CUL3: variants seen among roughly 807,000 people sequenced by gnomAD.
CUL3 encodes cullin-3.
In CUL3, 19 loss-of-function variants were observed where a neutral mutation model predicts 89.1. The observed-to-expected ratio is 0.21, with a 90% CI of 0.15 to 0.31. The LOEUF is 0.31. Among genes scored for constraint, CUL3 ranks in the 10% least tolerant of loss-of-function variants. The pLI, the probability that CUL3 is intolerant of heterozygous loss-of-function variation, is 1.00. For missense variants in CUL3, 469 were observed against 942.3 expected, an observed-to-expected ratio of 0.50 and a Z score of 6.58; for synonymous variants, 351 against 308.4, an observed-to-expected ratio of 1.14 and a Z score of -1.45.
rs537424924 is a variant in CUL3 at position 224,517,053 on chromosome 2, T to A, written c.379-2281A>T. 2.9e-4 allele frequency among the ~76,000 whole-genome samples: 44 copies of A among 151,618 alleles called. 1 individual carries two copies. Among genetic ancestry groups the A allele is most frequent in the Admixed American group, 3.9e-4 (6 of 15,218 alleles). On this transcript the variant is annotated intron_variant, in intron 3 of 15. Transcript: ENST00000264414. ...AATATGTACATAATAAAAACTAGCA[T>A]AAATTTAATAATTCAAAAACCAACA...
rs529566273 is a variant in CUL3 at position 224,501,954 on chromosome 2, C to T, written c.1485+1011G>A. The stretch of plus-strand genomic sequence containing the variant: ...ATTTAACTATAAATTCCTAAACAAT[C>T]TAAAAATAAAAATCCAGGATAATTA... On this transcript the variant is annotated intron_variant, in intron 10 of 15. Transcript: ENST00000264414. 2.8e-4 allele frequency among the ~76,000 whole-genome samples: 43 copies of T among 152,256 alleles called. 1 individual carries two copies. Among genetic ancestry groups the T allele is most frequent in the Admixed American group, 3.9e-4 (6 of 15,290 alleles).
chr2:224,503,134 G>A, intron 9 of CUL3, 62 bp from the exon 10 acceptor site: 1 of 1,048,238 alleles, frequency 9.5e-7, no homozygotes, highest in Non-Finnish European at 1.5e-6. Context: ...AGAAAGTACA[G>A]AAAGAAATAA....
intron 14 of CUL3, 130 bp downstream of exon 14, chr2:224,481,758 GCTTT>G (rs1484288012): frequency 1.9e-6 from 1 of 532,848 alleles, no homozygotes; most frequent in African/African-American, 2.0e-5. Flanking sequence ...AATAAAAGCT[GCTTT>G]CTTTCTTAAG....
chr2:224,514,592 A>G lies in CUL3; in HGVS notation c.539+20T>C, dbSNP rs1692966044. 6.3e-7 allele frequency: 1 copy of G among 1,595,384 alleles called. No individual in the cohort carries two copies. The highest frequency in any genetic ancestry group is 8.6e-7 in the Non-Finnish European group (1 of 1,168,660). On this transcript the variant is annotated intron_variant, in intron 4 of 15. Transcript: ENST00000264414. Reference sequence around the variant, plus strand: ...TAATCACTAAAACCAAAACCACAAGAGTAAAGAGAGAAATTTTACCTGTCT... The same window carrying G: ...TAATCACTAAAACCAAAACCACAAGGGTAAAGAGAGAAATTTTACCTGTCT...
chr2:224,520,051 C>T (rs1026909842), intron 3 of CUL3, among the ~76,000 whole-genome samples: 3 of 152,080 alleles, frequency 2.0e-5, no homozygotes, highest in Non-Finnish European at 4.4e-5. Flanking sequence ...CTAAAGAGAC[C>T]TTAGCAGAGA....
intron 2 of CUL3, among the ~76,000 whole-genome samples, chr2:224,544,149 T>C (rs890811395): frequency 6.6e-6 from 1 of 152,194 alleles, no homozygotes; most frequent in Non-Finnish European, 1.5e-5. Context: ...GTGACTATGG[T>C]TGATTAGATC....
In CUL3 at chr2:224,472,518, T is replaced by G. The variant is rs550118925; in HGVS notation, c.*1727A>C. Reference sequence around the variant, plus strand: ...ATGTCAAAATCAGAAGGTGAAACCCTTAGCTTTCCATGTTACACCTGACTT... The same window carrying G: ...ATGTCAAAATCAGAAGGTGAAACCCGTAGCTTTCCATGTTACACCTGACTT... On this transcript the variant is annotated 3_prime_UTR_variant, in exon 16 of 16. Transcript: ENST00000264414. The G allele has an allele frequency of 5.3e-6, 1 of 188,138 alleles. No individual in the cohort carries two copies. The highest frequency in any genetic ancestry group is 1.9e-4 in the South Asian group (1 of 5,130). The allele number at this position is 188,138 out of a possible 1,614,324, so 11.7% of individuals were successfully genotyped here. A position where few individuals can be genotyped will look rare whatever the true frequency, so the allele number is the denominator to read the frequency against.
At chr2:224,519,013 T>C (rs1693168011) in intron 3 of CUL3, among the ~76,000 whole-genome samples, 1 of 152,230 alleles carries the variant, frequency 6.6e-6, no homozygotes, top group African/African-American at 2.4e-5. Context: ...AAAATGATGC[T>C]TCAGTAAAGG....
intron 2 of CUL3, among the ~76,000 whole-genome samples, chr2:224,549,152 A>C (rs1294040849): frequency 6.6e-6 from 1 of 152,048 alleles, no homozygotes; most frequent in Non-Finnish European, 1.5e-5. Context: ...CACCATATTT[A>C]CTAAAAATAC....
intron 13 of CUL3, among the ~76,000 whole-genome samples, chr2:224,491,624 A>C (rs1356885716): frequency 6.6e-6 from 1 of 152,164 alleles, no homozygotes; most frequent in Non-Finnish European, 1.5e-5. Context: ...AAGATAGGCA[A>C]CTTCATCTTG....
Position 224,474,054 on chromosome 2 carries a change from T to C in CUL3, c.*191A>G. The C allele has an allele frequency of 2.0e-6, 1 of 488,968 alleles. No homozygotes were observed. Among genetic ancestry groups the C allele is most frequent in the East Asian group, 3.1e-5 (1 of 32,626 alleles). The allele number at this position is 488,968 out of a possible 1,614,324, so 30.3% of individuals were successfully genotyped here. A position where few individuals can be genotyped will look rare whatever the true frequency, so the allele number is the denominator to read the frequency against. On this transcript the variant is annotated 3_prime_UTR_variant, in exon 16 of 16. Coordinates refer to ENST00000264414, the MANE Select transcript of CUL3 (RefSeq NM_003590.5). Reference sequence around the variant, plus strand: ...AGATGATCTCTACAGGGATAAACGTTGTAAAGCCTGAAGCTCAATCAACTG... The same window carrying C: ...AGATGATCTCTACAGGGATAAACGTCGTAAAGCCTGAAGCTCAATCAACTG...
At chr2:224,560,080 C>T (rs1280264821) in intron 1 of CUL3, among the ~76,000 whole-genome samples, 2 of 152,052 alleles carry the variant, frequency 1.3e-5, no homozygotes, top group African/African-American at 4.8e-5. Context: ...AAGACCCTGT[C>T]TCAAAAAAGA....
intron 3 of CUL3, among the ~76,000 whole-genome samples, chr2:224,532,161 G>A (rs1693718742): frequency 6.6e-6 from 1 of 152,168 alleles, no homozygotes; most frequent in African/African-American, 2.4e-5. Flanking sequence ...ATGCATATAT[G>A]AGTCTGAATC....
At chr2:224,543,827 T>C (rs1233021099) in intron 2 of CUL3, among the ~76,000 whole-genome samples, 4 of 151,794 alleles carry the variant, frequency 2.6e-5, no homozygotes, top group African/African-American at 9.7e-5. Flanking sequence ...CCACCAAAAA[T>C]ATAAACAATT....
intron 3 of CUL3, among the ~76,000 whole-genome samples, chr2:224,534,707 G>A (rs1465654137): frequency 6.6e-6 from 1 of 152,068 alleles, no homozygotes. Context: ...TCATGGCCGG[G>A]CACAGTGGCT....
intron 1 of CUL3, among the ~76,000 whole-genome samples, chr2:224,568,065 C>CT (rs1204895513): frequency 1.3e-5 from 2 of 152,132 alleles, no homozygotes; most frequent in Admixed American, 6.5e-5. Context: ...TTCCCCCCTG[C>CT]TTTTGGTCCT....
intron 1 of CUL3, among the ~76,000 whole-genome samples, 157 bp from the exon 2 acceptor site, chr2:224,558,013 CA>C (rs1304075653): frequency 1.3e-5 from 2 of 149,062 alleles, no homozygotes; most frequent in African/African-American, 5.0e-5. Context: ...CCTATTTTAA[CA>C]GGGGGAAAAA....
chr2:224,518,245 G>T (rs934197616), intron 3 of CUL3, among the ~76,000 whole-genome samples: 2 of 152,108 alleles, frequency 1.3e-5, no homozygotes, highest in Non-Finnish European at 2.9e-5. Flanking sequence ...TTTGGTGTCT[G>T]ATTTCCTTCA....
chr2:224,500,461 T>C lies in CUL3; in HGVS notation c.1512A>G (p.Thr504=), dbSNP rs1692337630. Residue 504 remains threonine, a synonymous_variant, in exon 11 of 16, where the codon ACA becomes ACG. Coordinates refer to ENST00000264414, the MANE Select transcript of CUL3 (RefSeq NM_003590.5). The part of the protein sequence containing the change: ...TGVSLGGVDL[T]VRVLTTGYWP... ...AATATCCTGTCGTGAGCACCCGGACTGTAAGATCAACACCACCTAAAGATA... is the reference window on the plus strand; with the variant it reads ...AATATCCTGTCGTGAGCACCCGGACCGTAAGATCAACACCACCTAAAGATA... The C allele has an allele frequency of 6.2e-7, 1 of 1,613,726 alleles. No individual in the cohort carries two copies. Among genetic ancestry groups the C allele is most frequent in the Non-Finnish European group, 8.5e-7 (1 of 1,179,930 alleles).
Sources: gnomAD v4.1 joint callset for allele counts (sites outside exome capture counted in the v4.1 genomes callset) on GRCh38, gnomAD v4.1.1 for gene constraint, MANE v1.5 for transcripts, NCBI Gene and HGNC (gene_info 2026-07-23, HGNC 2026-07-21) for gene names.